Variants in GRID1 observed in about 807,000 individuals in gnomAD.
GRID1 encodes glutamate ionotropic receptor delta type subunit 1.
A neutral mutation model predicts 98.0 loss-of-function variants in GRID1; 28 were observed. That is an observed-to-expected ratio of 0.29 (90% CI 0.21 to 0.39). The LOEUF is 0.39. GRID1 is among the 10% of genes least tolerant of loss of function. The pLI is 1.00. For synonymous variants in GRID1, 553 were observed against 538.5 expected (o/e 1.03, Z -0.37); for missense variants, 1,111 against 1,340.5 (o/e 0.83, Z 2.67).
In GRID1 at chr10:86,166,657, A is replaced by G. The variant is rs148836445; in HGVS notation, c.521-27633T>C. On this transcript the variant is annotated intron_variant, in intron 3 of 15. Transcript: ENST00000327946. ...ACAACAGCCCAGTTCCTGGCGCCAC[A>G]GCATAAATTGGCCTGGCTGACACTT... Among the ~76,000 whole-genome samples, 135 of 152,362 alleles carry G rather than the reference A, an allele frequency of 8.9e-4. 1 individual carries two copies. In the East Asian group the frequency reaches 0.023, roughly 26 times the overall value.
chr10:85,915,570 ACACT>A (rs551435843), intron 5 of GRID1, among the ~76,000 whole-genome samples: 1 of 151,992 alleles, frequency 6.6e-6, no homozygotes, highest in East Asian at 1.9e-4. Context: ...TACCTGTCAC[ACACT>A]CAAACACATC....
intron 15 of GRID1, among the ~76,000 whole-genome samples, chr10:85,609,903 T>G (rs1434224732): frequency 1.3e-5 from 2 of 152,254 alleles, no homozygotes; most frequent in African/African-American, 2.4e-5. Flanking sequence ...TGGAGTTTGG[T>G]GCATTCACCT....
rs781533821 is a variant in GRID1 at position 85,729,539 on chromosome 10, A to G, written c.1309T>C (p.Leu437=). ...ERPMGSRLQG[L]TLKVVTVLEE... ...AAGACAGTCACCACTTTAAGAGTCA[A>G]TCCTTGGAGGCGGCTGCCCATGGGC... Residue 437 remains leucine, a synonymous_variant, in exon 9 of 16, where the codon TTG becomes CTG. Transcript: ENST00000327946. 1.9e-6 allele frequency: 3 copies of G among 1,611,146 alleles called. No homozygotes were observed. Among genetic ancestry groups the G allele is most frequent in the East Asian group, 2.2e-5 (1 of 44,862 alleles).
intron 3 of GRID1, among the ~76,000 whole-genome samples, chr10:86,199,202 T>C (rs1379153382): frequency 1.3e-5 from 2 of 152,072 alleles, no homozygotes; most frequent in Admixed American, 6.6e-5. Flanking sequence ...TACACACACA[T>C]AGAAGCTCAC....
intron 2 of GRID1, among the ~76,000 whole-genome samples, chr10:86,213,343 C>G (rs1303713303): frequency 6.6e-6 from 1 of 152,112 alleles, no homozygotes; most frequent in Non-Finnish European, 1.5e-5. Flanking sequence ...CAGGGCTCCC[C>G]ACGCTGACAC....
intron 2 of GRID1, among the ~76,000 whole-genome samples, chr10:86,359,747 T>G (rs1848577707): frequency 6.6e-6 from 1 of 152,248 alleles, no homozygotes; most frequent in Non-Finnish European, 1.5e-5. Flanking sequence ...GCCAGTTCTT[T>G]TATATAAATT....
chr10:85,611,188 G>GTC (rs571923875), intron 15 of GRID1, among the ~76,000 whole-genome samples: 19 of 151,942 alleles, frequency 1.3e-4, no homozygotes, highest in African/African-American at 4.3e-4. Context: ...ACAATCACCA[G>GTC]TCTCTCTCTC....
intron 2 of GRID1, among the ~76,000 whole-genome samples, chr10:86,298,911 A>G (rs1847636213): frequency 6.6e-6 from 1 of 152,242 alleles, no homozygotes; most frequent in South Asian, 2.1e-4. Context: ...ATTTTATGCC[A>G]AGCCTGGGTG....
At chr10:86,054,706 T>C (rs1843549445) in intron 4 of GRID1, among the ~76,000 whole-genome samples, 1 of 152,194 alleles carries the variant, frequency 6.6e-6, no homozygotes, top group Admixed American at 6.5e-5. Flanking sequence ...TCAAGCACTA[T>C]AAGAACACAA....
intron 5 of GRID1, among the ~76,000 whole-genome samples, chr10:85,876,707 C>T (rs1327436974): frequency 6.6e-6 from 1 of 152,162 alleles, no homozygotes; most frequent in African/African-American, 2.4e-5. Context: ...TTCTGCATTT[C>T]CATCTGGGGT....
At chr10:86,072,868 G>A (rs962062157) in intron 4 of GRID1, among the ~76,000 whole-genome samples, 2 of 152,230 alleles carry the variant, frequency 1.3e-5, no homozygotes, top group East Asian at 1.9e-4. Context: ...TATAGCACAC[G>A]CTAGTGCCTA....
rs375903012 is a variant in GRID1 at position 85,843,349 on chromosome 10, G to A, written c.1233+11147C>T. Among the ~76,000 whole-genome samples the A allele has an allele frequency of 4.9e-4, 74 of 151,828 alleles. No homozygotes were observed. In the South Asian group the frequency reaches 7.7e-3, roughly 16 times the overall value. On this transcript the variant is annotated intron_variant, in intron 8 of 15. Transcript: ENST00000327946. ...GAAAATATCAAACTTTAAAAAAATA[G>A]GAAAAAATCTTTGGAATATAGGGAT...
chr10:86,007,169 G>A (rs1314822289), intron 4 of GRID1, among the ~76,000 whole-genome samples: 4 of 152,180 alleles, frequency 2.6e-5, no homozygotes, highest in African/African-American at 7.2e-5. Context: ...AAAATTAAAC[G>A]CTGTTTTGTA....
chr10:85,645,631 C>T (rs905965803), intron 13 of GRID1: 4 of 152,294 alleles, frequency 2.6e-5, no homozygotes, highest in African/African-American at 9.6e-5. Flanking sequence ...TCCAAGAGTT[C>T]CCAAACAAGG....
At chr10:86,256,557 A>C (rs973396277) in intron 2 of GRID1, among the ~76,000 whole-genome samples, 7 of 152,208 alleles carry the variant, frequency 4.6e-5, no homozygotes, top group Admixed American at 3.9e-4. Flanking sequence ...CGATTGACAG[A>C]GAAGCTCTCT....
At chr10:85,938,712 CT>C (rs367715963) in intron 4 of GRID1, among the ~76,000 whole-genome samples, 3 of 152,298 alleles carry the variant, frequency 2.0e-5, no homozygotes, top group African/African-American at 7.2e-5. Context: ...ACCCAGTCCT[CT>C]ATGGGTCATC....
At chr10:86,197,573 G>C (rs918621071) in intron 3 of GRID1, among the ~76,000 whole-genome samples, 5 of 152,104 alleles carry the variant, frequency 3.3e-5, no homozygotes, top group Non-Finnish European at 7.4e-5. Context: ...GGTCCTGCAA[G>C]GGCACAATGG....
intron 5 of GRID1, among the ~76,000 whole-genome samples, chr10:85,889,001 T>C (rs1311388617): frequency 6.6e-6 from 1 of 152,236 alleles, no homozygotes; most frequent in Non-Finnish European, 1.5e-5. Context: ...ACTCTGACTT[T>C]TTCAGATGTG....
chr10:85,738,304 C>T (rs1841907109), intron 8 of GRID1, among the ~76,000 whole-genome samples: 2 of 152,176 alleles, frequency 1.3e-5, no homozygotes, highest in African/African-American at 4.8e-5. Flanking sequence ...TATCATGAGT[C>T]ATCAGGGAAC....
Sources: allele counts gnomAD v4.1 joint callset (sites outside exome capture counted in the v4.1 genomes callset), GRCh38; gene constraint gnomAD v4.1.1; transcripts MANE v1.5; gene names NCBI Gene and HGNC (gene_info 2026-07-23, HGNC 2026-07-21).